PMS2: variants seen among roughly 807,000 people sequenced by gnomAD.
PMS2 encodes mismatch repair endonuclease PMS2.
In PMS2, 69 loss-of-function variants were observed where a neutral mutation model predicts 90.0. The observed-to-expected ratio is 0.77, with a 90% CI of 0.63 to 0.94. PMS2 has a LOEUF of 0.94. PMS2 is among the 40% of genes least tolerant of loss of function. PMS2 has a pLI of 0.00. For missense variants in PMS2, 966 were observed against 1,040.2 expected (o/e 0.93, Z 0.98); for synonymous variants, 332 against 375.1 (o/e 0.89, Z 1.33).
chr7:5,993,145 T>G (rs879269331), intron 8 of PMS2, among the ~76,000 whole-genome samples: 1 of 151,380 alleles, frequency 6.6e-6, no homozygotes, highest in Non-Finnish European at 1.5e-5. Flanking sequence ...TCAAGGCAGG[T>G]GGATTGCCTG....
chr7:5,990,082 A>C (rs929615957), intron 9 of PMS2, 127 bp from the exon 10 acceptor site: 3 of 550,710 alleles, frequency 5.4e-6, no homozygotes, highest in Non-Finnish European at 9.4e-6. Context: ...ATCTCAGCTC[A>C]CTGCAACCTC....
At chr7:5,984,464 C>G (rs1356043250) in intron 11 of PMS2, among the ~76,000 whole-genome samples, 1 of 151,780 alleles carries the variant, frequency 6.6e-6, no homozygotes, top group Admixed American at 6.6e-5. Flanking sequence ...TCTGTTAAAG[C>G]AGCCATGGAC....
chr7:5,994,109 G>A (rs918876178), intron 8 of PMS2, among the ~76,000 whole-genome samples: 7 of 151,998 alleles, frequency 4.6e-5, no homozygotes, highest in African/African-American at 1.2e-4. Context: ...GAGGCCAGGC[G>A]CGGTGGTTCA....
At chr7:5,989,090 G>T (rs865832276) in intron 10 of PMS2, among the ~76,000 whole-genome samples, 25 of 152,118 alleles carry the variant, frequency 1.6e-4, no homozygotes, top group Non-Finnish European at 3.2e-4. Flanking sequence ...GACCTCGTGA[G>T]CCGCCCGCCT....
At chr7:5,992,157 A>G in intron 8 of PMS2, 100 bp from the exon 9 acceptor site, 1 of 708,536 alleles carries the variant, frequency 1.4e-6, no homozygotes, top group Non-Finnish European at 2.5e-6. Flanking sequence ...ATGTTCTTAG[A>G]AGGGGATACT....
chr7:6,005,273 C>T (rs1309006253), intron 2 of PMS2, among the ~76,000 whole-genome samples: 3 of 151,932 alleles, frequency 2.0e-5, no homozygotes, highest in Non-Finnish European at 4.4e-5. Context: ...GGCACGATCT[C>T]GGCTTACTGC....
intron 2 of PMS2, among the ~76,000 whole-genome samples, chr7:6,005,542 G>C (rs1292536212): frequency 6.6e-6 from 1 of 152,098 alleles, no homozygotes; most frequent in Non-Finnish European, 1.5e-5. Flanking sequence ...TCACCATGTT[G>C]GCCAGGTTGG....
intron 9 of PMS2, among the ~76,000 whole-genome samples, chr7:5,991,273 T>A (rs1783696245): frequency 2.7e-5 from 4 of 150,898 alleles, no homozygotes; most frequent in African/African-American, 9.8e-5. Context: ...AATATGGGAG[T>A]AGGGGAGAGA....
At chr7:6,007,887 T>G (rs1359426456) in intron 1 of PMS2, among the ~76,000 whole-genome samples, 1 of 147,040 alleles carries the variant, frequency 6.8e-6, no homozygotes, top group Non-Finnish European at 1.5e-5. Context: ...TGAGACCGAG[T>G]CTTGCTGCGT....
chr7:5,995,500 A>G (rs2128773933), intron 8 of PMS2, 34 bp downstream of exon 8: 1 of 1,390,966 alleles, frequency 7.2e-7, no homozygotes, highest in East Asian at 2.3e-5. Flanking sequence ...TCAAAGGCAT[A>G]AAGAACAAAC....
intron 2 of PMS2, chr7:6,004,477 A>C (rs905267956): frequency 1.7e-5 from 3 of 173,664 alleles, no homozygotes; most frequent in African/African-American, 7.2e-5. Flanking sequence ...GCACTTTGGG[A>C]GGCCAAAGCG....
intron 8 of PMS2, among the ~76,000 whole-genome samples, chr7:5,992,270 T>C (rs575187273): frequency 6.6e-6 from 1 of 151,096 alleles, no homozygotes; most frequent in Non-Finnish European, 1.5e-5. Context: ...CAGGCTCAAG[T>C]GATCCTCCTG....
Position 5,973,416 on chromosome 7 carries a change from C to T in PMS2, c.2572G>A (p.Val858Ile), listed in dbSNP as rs368036201. Residue 858 changes from valine to isoleucine, a missense_variant, in exon 15 of 15, where the codon GTC becomes ATC. By Grantham distance (29) the Val-to-Ile change is conservative. Transcript: ENST00000265849. ...GACTACGGTCAGTTCTGAGAAATGACACCCAGGTTGGCGATGTGTCTCATG... is the reference window on the plus strand; with the variant it reads ...GACTACGGTCAGTTCTGAGAAATGATACCCAGGTTGGCGATGTGTCTCATG... The part of the protein sequence containing the change: ...PTMRHIANLG[V>I]ISQN The T allele has an allele frequency of 2.0e-6, 2 of 1,008,724 alleles. No individual in the cohort carries two copies. The highest frequency in any genetic ancestry group is 1.5e-6 in the Non-Finnish European group (1 of 684,690). The allele number at this position is 1,008,724 out of a possible 1,614,324, so 62.5% of individuals were successfully genotyped here.
At chr7:5,999,974 T>C (rs557766703) in intron 5 of PMS2, among the ~76,000 whole-genome samples, 48 of 152,126 alleles carry the variant, frequency 3.2e-4, no homozygotes, top group African/African-American at 1.1e-3. Context: ...TAAGCAAGCA[T>C]CATTGAGGAG....
At chr7:6,005,809 G>T (rs1207709450) in intron 2 of PMS2, 83 bp downstream of exon 2, 2 of 1,596,098 alleles carry the variant, frequency 1.3e-6, no homozygotes, top group Non-Finnish European at 1.7e-6. Flanking sequence ...ACACTTGATA[G>T]TCTTATTTCA....
chr7:5,975,948 A>G (rs1781582435), intron 14 of PMS2, among the ~76,000 whole-genome samples: 1 of 134,346 alleles, frequency 7.4e-6, no homozygotes, highest in Admixed American at 7.7e-5. Flanking sequence ...CTGCCCCAAA[A>G]CGCTGTTTTA....
chr7:5,976,075 T>C lies in PMS2; in HGVS notation c.2445+1513A>G, dbSNP rs1341148356. ...CCAACATGGTGAAACCCCATCTCTA[T>C]TAAAAATATAAAAATTAGCCAGGTG... On this transcript the variant is annotated intron_variant, in intron 14 of 14. Coordinates refer to ENST00000265849, the MANE Select transcript of PMS2 (RefSeq NM_000535.7). Among the ~76,000 whole-genome samples the C allele has an allele frequency of 2.1e-5, 3 of 144,448 alleles. 1 individual carries two copies. Among genetic ancestry groups the C allele is most frequent in the South Asian group, 2.3e-4 (1 of 4,278 alleles). The allele number at this position is 144,448 out of a possible 152,430, so 94.8% of individuals were successfully genotyped here.
At chr7:6,001,646 G>C (rs1785099098) in intron 5 of PMS2, among the ~76,000 whole-genome samples, 1 of 152,074 alleles carries the variant, frequency 6.6e-6, no homozygotes, top group Admixed American at 6.5e-5. Flanking sequence ...TGGGATTACA[G>C]GTGTGAGCCA....
At chr7:5,992,521 T>C (rs1031614732) in intron 8 of PMS2, among the ~76,000 whole-genome samples, 4 of 152,130 alleles carry the variant, frequency 2.6e-5, no homozygotes, top group African/African-American at 4.8e-5. Flanking sequence ...GGTTTCACCA[T>C]GTTGGCCAGG....
Sources: allele counts gnomAD v4.1 joint callset (sites outside exome capture counted in the v4.1 genomes callset), GRCh38; gene constraint gnomAD v4.1.1; transcripts MANE v1.5; gene names NCBI Gene and HGNC (gene_info 2026-07-23, HGNC 2026-07-21).